NRXN1: variants seen among roughly 807,000 people sequenced by gnomAD.
The protein encoded by NRXN1 is neurexin-1.
NRXN1 carries 39 observed loss-of-function variants against 150.9 expected under a neutral mutation model. The observed-to-expected ratio is 0.26, with a 90% CI of 0.20 to 0.34. NRXN1 has a LOEUF of 0.34. NRXN1 is among the 10% of genes least tolerant of loss of function. The pLI is 1.00. For missense variants in NRXN1, 1,815 were observed against 1,949.9 expected, an observed-to-expected ratio of 0.93 and a Z score of 1.30; for synonymous variants, 924 against 757.0, an observed-to-expected ratio of 1.22 and a Z score of -3.62.
chr2:50,509,007 G>C lies in NRXN1; in HGVS notation c.2375-2390C>G, dbSNP rs1362752872. Among the ~76,000 whole-genome samples the C allele has an allele frequency of 2.0e-5, 3 of 152,204 alleles. No individual in the cohort carries two copies. In the East Asian group the frequency reaches 5.8e-4, roughly 29 times the overall value. On this transcript the variant is annotated intron_variant, in intron 12 of 22. Coordinates refer to ENST00000401669, the MANE Select transcript of NRXN1 (RefSeq NM_001330078.2). Reference sequence around the variant, plus strand: ...GATTTCCTACTAAAAAAGAAGTTGGGGGTTGCTGAGTGCTTATTATGTAGC... The same window carrying C: ...GATTTCCTACTAAAAAAGAAGTTGGCGGTTGCTGAGTGCTTATTATGTAGC...
intron 21 of NRXN1, among the ~76,000 whole-genome samples, chr2:50,049,379 C>T (rs921653475): frequency 6.6e-6 from 1 of 152,100 alleles, no homozygotes; most frequent in African/African-American, 2.4e-5. Context: ...TTTCCTAGTT[C>T]AACCTACTTA....
At chr2:50,518,345 C>G (rs1039751108) in intron 12 of NRXN1, among the ~76,000 whole-genome samples, 1 of 151,586 alleles carries the variant, frequency 6.6e-6, no homozygotes, top group Admixed American at 6.6e-5. Context: ...AAGGTCAATT[C>G]CAAGGGATGC....
At chr2:50,059,190 T>C (rs1451748535) in intron 19 of NRXN1, among the ~76,000 whole-genome samples, 2 of 152,062 alleles carry the variant, frequency 1.3e-5, no homozygotes, top group Non-Finnish European at 2.9e-5. Flanking sequence ...CAGATGGAGA[T>C]GAGGAACTTA....
intron 2 of NRXN1, among the ~76,000 whole-genome samples, chr2:50,937,774 G>T (rs1388031556): frequency 6.6e-6 from 1 of 152,104 alleles, no homozygotes; most frequent in Non-Finnish European, 1.5e-5. Context: ...TTAGTTGAGA[G>T]AAAATTAACT....
At chr2:49,975,934 T>C (rs1015904341) in intron 21 of NRXN1, among the ~76,000 whole-genome samples, 1 of 151,920 alleles carries the variant, frequency 6.6e-6, no homozygotes, top group South Asian at 2.1e-4. Flanking sequence ...GAAAAAGCCA[T>C]AAAATTTAAA....
At chr2:50,202,179 A>G (rs568211118) in intron 18 of NRXN1, among the ~76,000 whole-genome samples, 1 of 152,314 alleles carries the variant, frequency 6.6e-6, no homozygotes, top group Admixed American at 6.5e-5. Flanking sequence ...AGGAATGATT[A>G]GTTACACAGG....
chr2:50,677,597 A>AT (rs541419426), intron 5 of NRXN1, among the ~76,000 whole-genome samples: 165 of 149,940 alleles, frequency 1.1e-3, no homozygotes, highest in South Asian at 1.9e-3. Flanking sequence ...GAATTAATTG[A>AT]TTTTTTTTTT....
intron 19 of NRXN1, among the ~76,000 whole-genome samples, chr2:50,078,528 C>G (rs190732981): frequency 3.7e-4 from 56 of 152,044 alleles, no homozygotes; most frequent in African/African-American, 1.3e-3. Flanking sequence ...TTTTGTTTTA[C>G]CAGTTTTCAA....
intron 16 of NRXN1, 38 bp downstream of exon 16, chr2:50,472,260 T>C: frequency 1.4e-6 from 2 of 1,471,760 alleles, no homozygotes; most frequent in Non-Finnish European, 1.8e-6. Flanking sequence ...ACAGGTGGAA[T>C]TAGAATTATT....
chr2:50,505,591 G>A (rs1489680327), intron 13 of NRXN1, among the ~76,000 whole-genome samples: 1 of 152,062 alleles, frequency 6.6e-6, no homozygotes, highest in East Asian at 1.9e-4. Context: ...AAAACTAATT[G>A]AACTCCAATG....
intron 8 of NRXN1, among the ~76,000 whole-genome samples, chr2:50,597,029 T>A (rs1326390982): frequency 6.6e-6 from 1 of 152,002 alleles, no homozygotes; most frequent in Non-Finnish European, 1.5e-5. Flanking sequence ...ATTTTTGTAT[T>A]TTTTGTAGGG....
At chr2:50,548,098 G>A (rs2093534058) in intron 9 of NRXN1, 1 of 152,110 alleles carries the variant, frequency 6.6e-6, no homozygotes, top group Non-Finnish European at 1.5e-5. Flanking sequence ...CAAAGGGAAG[G>A]CCACCAAAAA....
chr2:51,018,278 T>C (rs978736312), intron 2 of NRXN1, among the ~76,000 whole-genome samples: 2 of 152,200 alleles, frequency 1.3e-5, no homozygotes, highest in Middle Eastern at 3.4e-3. Context: ...GATTGCCAGA[T>C]CCCTCCTGGG....
chr2:50,288,690 T>C (rs1574942568), intron 17 of NRXN1, among the ~76,000 whole-genome samples: 3 of 152,232 alleles, frequency 2.0e-5, no homozygotes, highest in Non-Finnish European at 4.4e-5. Context: ...TATTATCTCA[T>C]GAGACTTATT....
At chr2:50,520,479 A>T (rs2105117725) in intron 12 of NRXN1, among the ~76,000 whole-genome samples, 1 of 152,056 alleles carries the variant, frequency 6.6e-6, no homozygotes, top group African/African-American at 2.4e-5. Flanking sequence ...AAAACTAAAA[A>T]TTACCTCAAT....
At chr2:50,613,941 A>G (rs918675548) in intron 8 of NRXN1, among the ~76,000 whole-genome samples, 10 of 152,190 alleles carry the variant, frequency 6.6e-5, no homozygotes, top group African/African-American at 2.4e-4. Context: ...ATGTATCACC[A>G]CATAAAATCA....
At chr2:50,627,117 T>G (rs1460318172) in intron 5 of NRXN1, among the ~76,000 whole-genome samples, 2 of 151,812 alleles carry the variant, frequency 1.3e-5, no homozygotes, top group Admixed American at 6.6e-5. Flanking sequence ...CTACCGAAAG[T>G]CATTCTTATA....
intron 9 of NRXN1, among the ~76,000 whole-genome samples, chr2:50,549,637 A>C (rs1479415621): frequency 1.3e-5 from 2 of 152,230 alleles, no homozygotes; most frequent in Non-Finnish European, 2.9e-5. Flanking sequence ...TTGTAAATTA[A>C]AGTAGATATC....
chr2:50,065,039 T>C (rs974942051), intron 19 of NRXN1, among the ~76,000 whole-genome samples: 1 of 152,170 alleles, frequency 6.6e-6, no homozygotes, highest in African/African-American at 2.4e-5. Flanking sequence ...AAAGCTACAA[T>C]TAAGTTTCAT....
Sources: allele counts gnomAD v4.1 joint callset (sites outside exome capture counted in the v4.1 genomes callset), GRCh38; gene constraint gnomAD v4.1.1; transcripts MANE v1.5; gene names NCBI Gene and HGNC (gene_info 2026-07-23, HGNC 2026-07-21).